The following ETS1 variants were observed in gnomAD, a reference collection of about 807,000 sequenced individuals.
ETS1 encodes the protein protein C-ets-1.
In ETS1, 15 loss-of-function variants were observed where a neutral mutation model predicts 58.6. The ratio of observed to expected loss-of-function variants is 0.26; its 90% CI spans 0.17 to 0.39. ETS1 has a LOEUF of 0.39. ETS1 is among the 10% of genes least tolerant of loss of function. The probability of loss-of-function intolerance (pLI) is 1.00; values close to 1 mark genes in which losing one functional copy is unlikely to be tolerated. For synonymous variants in ETS1, 214 were observed against 218.2 expected (o/e 0.98, Z 0.17); for missense variants, 417 against 610.5 (o/e 0.68, Z 3.34).
At chr11:128,564,026 C>T (rs900674280) in intron 2 of ETS1, among the ~76,000 whole-genome samples, 22 of 151,412 alleles carry the variant, frequency 1.5e-4, no homozygotes, top group African/African-American at 4.4e-4. Context: ...AACCACCCTA[C>T]GGATAGGCTG....
intron 3 of ETS1, among the ~76,000 whole-genome samples, chr11:128,492,021 A>G (rs1300544337): frequency 2.6e-5 from 4 of 152,238 alleles, no homozygotes; most frequent in Non-Finnish European, 5.9e-5. Context: ...AGTTTCCCAC[A>G]AAAAGTGAAT....
At chr11:128,560,875 G>A (rs1864395137) in intron 2 of ETS1, among the ~76,000 whole-genome samples, 1 of 151,990 alleles carries the variant, frequency 6.6e-6, no homozygotes, top group South Asian at 2.1e-4. Context: ...ATAGCAGCAG[G>A]GAAGGCTTCC....
intron 1 of ETS1, among the ~76,000 whole-genome samples, chr11:128,579,389 C>T (rs995404529): frequency 6.6e-5 from 10 of 152,060 alleles, no homozygotes; most frequent in African/African-American, 1.9e-4. Flanking sequence ...GGGCTGGGCT[C>T]GGTGGCTCAC....
chr11:128,585,183 AAAGAAGGAAGGAAAG>A lies in ETS1; in HGVS notation c.-15+2290_-15+2304del, dbSNP rs1864994012. Among the ~76,000 whole-genome samples the A allele has an allele frequency of 1.4e-4, 7 of 51,188 alleles. 1 individual carries two copies. The East Asian group carries it at 5.0e-3, about 36-fold the overall frequency. The allele number at this position is 51,188 out of a possible 152,430, so 33.6% of individuals were successfully genotyped here. A position where few individuals can be genotyped will look rare whatever the true frequency, so the allele number is the denominator to read the frequency against. On this transcript the variant is annotated intron_variant, in intron 1 of 9. Transcript: ENST00000392668. The stretch of plus-strand genomic sequence containing the variant: ...AAGAAAGAAAGAGAAAGAAAGAAAG[AAAGAAGGAAGGAAAG>A]AAAGAAAGAAAGAAAGAAAGAAAGA...
intron 1 of ETS1, among the ~76,000 whole-genome samples, chr11:128,587,127 A>G (rs1269229301): frequency 6.6e-6 from 1 of 151,446 alleles, no homozygotes; most frequent in Non-Finnish European, 1.5e-5. Flanking sequence ...AGAAATTTAT[A>G]TATTTAACTA....
At chr11:128,494,824 G>A (rs1862895440) in intron 3 of ETS1, among the ~76,000 whole-genome samples, 2 of 152,140 alleles carry the variant, frequency 1.3e-5, no homozygotes, top group South Asian at 4.1e-4. Flanking sequence ...GAAGACTGGA[G>A]CGTCTGGGAT....
intron 3 of ETS1, among the ~76,000 whole-genome samples, chr11:128,545,186 T>G (rs1864115342): frequency 6.6e-6 from 1 of 152,166 alleles, no homozygotes; most frequent in South Asian, 2.1e-4. Context: ...AATATGGGAC[T>G]CCAAGAAACC....
At chr11:128,551,960 T>A (rs1864236075) in intron 3 of ETS1, among the ~76,000 whole-genome samples, 1 of 152,146 alleles carries the variant, frequency 6.6e-6, no homozygotes, top group Non-Finnish European at 1.5e-5. Flanking sequence ...AATCACTGAA[T>A]CAGAAACCCT....
intron 3 of ETS1, among the ~76,000 whole-genome samples, chr11:128,547,991 G>A (rs1864157434): frequency 1.3e-5 from 2 of 152,056 alleles, no homozygotes; most frequent in African/African-American, 4.8e-5. Context: ...TGTCCCATGA[G>A]CTATTTATGC....
intron 2 of ETS1, among the ~76,000 whole-genome samples, chr11:128,561,241 C>A (rs1372802316): frequency 6.6e-6 from 1 of 152,150 alleles, no homozygotes; most frequent in Admixed American, 6.5e-5. Context: ...CCACTAGAGG[C>A]CATGCTAGAG....
At chr11:128,466,756 CAGAG>C (rs1862047338) in intron 8 of ETS1, among the ~76,000 whole-genome samples, 2 of 150,456 alleles carry the variant, frequency 1.3e-5, no homozygotes, top group Non-Finnish European at 2.9e-5. Flanking sequence ...GTCCTAGGTG[CAGAG>C]CTCTCTAACT....
chr11:128,520,859 A>T (rs1863648855), intron 3 of ETS1, among the ~76,000 whole-genome samples: 1 of 152,250 alleles, frequency 6.6e-6, no homozygotes, highest in Non-Finnish European at 1.5e-5. Context: ...GGCAGAGGCA[A>T]AGAAGTGTTA....
intron 3 of ETS1, among the ~76,000 whole-genome samples, chr11:128,509,518 A>G (rs1863332476): frequency 6.9e-6 from 1 of 144,918 alleles, no homozygotes; most frequent in African/African-American, 2.6e-5. Context: ...TCTACTTTGG[A>G]TTTGAAAATG....
intron 1 of ETS1, among the ~76,000 whole-genome samples, chr11:128,577,102 C>A (rs1029165577): frequency 1.3e-5 from 2 of 152,226 alleles, no homozygotes; most frequent in Non-Finnish European, 1.5e-5. Flanking sequence ...TAAGACAGAC[C>A]ATGGGGCATA....
chr11:128,514,389 T>C (rs1000797299), intron 3 of ETS1, among the ~76,000 whole-genome samples: 1 of 151,740 alleles, frequency 6.6e-6, no homozygotes, highest in Non-Finnish European at 1.5e-5. Context: ...CCTTCATCCC[T>C]TTCTACAAGT....
chr11:128,523,472 C>A (rs1863741069), intron 3 of ETS1, among the ~76,000 whole-genome samples: 1 of 152,204 alleles, frequency 6.6e-6, no homozygotes, highest in East Asian at 1.9e-4. Flanking sequence ...TCTTCCTGAG[C>A]AATCTCAGAG....
intron 8 of ETS1, among the ~76,000 whole-genome samples, chr11:128,475,005 T>G (rs1241126822): frequency 6.6e-6 from 1 of 152,258 alleles, no homozygotes; most frequent in Non-Finnish European, 1.5e-5. Context: ...CTTTAGCCAA[T>G]TCACACTGTC....
intron 3 of ETS1, among the ~76,000 whole-genome samples, chr11:128,519,048 A>C (rs1396861961): frequency 6.6e-6 from 1 of 152,244 alleles, no homozygotes; most frequent in Non-Finnish European, 1.5e-5. Flanking sequence ...GAGAACCAGG[A>C]GTGAACCCAA....
chr11:128,474,597 T>TC (rs1862272094), intron 8 of ETS1, among the ~76,000 whole-genome samples: 1 of 152,118 alleles, frequency 6.6e-6, no homozygotes, highest in African/African-American at 2.4e-5. Context: ...CAAAGTATTT[T>TC]CCCGTCAATC....
Sources: allele counts gnomAD v4.1 joint callset (sites outside exome capture counted in the v4.1 genomes callset), GRCh38; gene constraint gnomAD v4.1.1; transcripts MANE v1.5; gene names NCBI Gene and HGNC (gene_info 2026-07-23, HGNC 2026-07-21).